The following SPATA12 variants were observed in gnomAD, a reference collection of about 807,000 sequenced individuals.
SPATA12 encodes spermatogenesis associated 12.
For synonymous variants in SPATA12, 85 were observed against 89.2 expected, an observed-to-expected ratio of 0.95 and a Z score of 0.26; for missense variants, 219 against 226.4, an observed-to-expected ratio of 0.97 and a Z score of 0.21.
chr3:57,061,353 A>G (rs767727528), intron 1 of SPATA12, among the ~76,000 whole-genome samples: 5 of 152,142 alleles, frequency 3.3e-5, no homozygotes, highest in Non-Finnish European at 7.3e-5. Flanking sequence ...GCAGGAGTAC[A>G]GTGGCACGAT....
intron 1 of SPATA12, among the ~76,000 whole-genome samples, chr3:57,070,982 AAAAAAG>A (rs1232701570): frequency 8.7e-5 from 13 of 149,794 alleles, no homozygotes; most frequent in African/African-American, 2.4e-4. Flanking sequence ...AAAAAAAAAA[AAAAAAG>A]AAAGAAAGAA....
rs1027055985 is a variant in SPATA12, at chr3:57,068,155, G to A, written c.-329-5211G>A. Among the ~76,000 whole-genome samples, 12 of 88,392 alleles carry A rather than the reference G, an allele frequency of 1.4e-4. No homozygotes were observed. In the East Asian group the frequency reaches 1.9e-3, roughly 14 times the overall value. The allele number at this position is 88,392 out of a possible 152,430, so 58.0% of individuals were successfully genotyped here. A position where few individuals can be genotyped will look rare whatever the true frequency, so the allele number is the denominator to read the frequency against. ...GTTTCACCAAATAATTCAGATATGC[G>A]CGCACACACACATACACACACACAC... On this transcript the variant is annotated intron_variant, in intron 1 of 1. Transcript: ENST00000334325.
chr3:57,073,403 T>G lies in SPATA12; in HGVS notation c.-292T>G. On this transcript the variant is annotated 5_prime_UTR_variant, in exon 2 of 2. Coordinates refer to ENST00000334325, the MANE Select transcript of SPATA12 (RefSeq NM_181727.2). The stretch of plus-strand genomic sequence containing the variant: ...GAAAGAGAGAGAAAGCCACTGGAGT[T>G]GGGCAGCGTGGGAAGCTGTGAAAGT... 2.9e-6 allele frequency: 1 copy of G among 343,636 alleles called. No homozygotes were observed. The highest frequency in any genetic ancestry group is 4.8e-5 in the East Asian group (1 of 20,746). 21.3% of individuals were successfully genotyped at this position (343,636 alleles called of 1,614,324 possible). A position where few individuals can be genotyped will look rare whatever the true frequency, so the allele number is the denominator to read the frequency against.
chr3:57,071,856 T>A (rs141629976), intron 1 of SPATA12, among the ~76,000 whole-genome samples: 5,997 of 151,966 alleles, frequency 0.039, 171 homozygotes, highest in Non-Finnish European at 0.058. Flanking sequence ...GGGCAAAAAA[T>A]ACTTTAAAAT....
In SPATA12 at chr3:57,074,358, A is replaced by C; in HGVS notation, c.*91A>C. The C allele has an allele frequency of 1.8e-6, 2 of 1,111,298 alleles. No individual in the cohort carries two copies. The highest frequency in any genetic ancestry group is 2.6e-6 in the Non-Finnish European group (2 of 757,662). 68.8% of individuals were successfully genotyped at this position (1,111,298 alleles called of 1,614,324 possible). A position where few individuals can be genotyped will look rare whatever the true frequency, so the allele number is the denominator to read the frequency against. On this transcript the variant is annotated 3_prime_UTR_variant, in exon 2 of 2. Transcript: ENST00000334325. ...GCCCTCCCTTCCATCCCCCACCCCC[A>C]CCAGGGGTGACTCGTAGCCATCCCT...
At position 57,067,169 on chromosome 3, in the gene SPATA12, C is replaced by T. The variant is rs1168014412; in HGVS notation, c.-329-6197C>T. Among the ~76,000 whole-genome samples the T allele has an allele frequency of 3.3e-5, 5 of 152,180 alleles. No homozygotes were observed. In the South Asian group the frequency reaches 8.3e-4, roughly 25 times the overall value. Reference sequence around the variant, plus strand: ...GCAACCCAGAAAGAATAACATTTGTCGGCCAGGCGCGGTGGCTCACGCCTG... The same window carrying T: ...GCAACCCAGAAAGAATAACATTTGTTGGCCAGGCGCGGTGGCTCACGCCTG... On this transcript the variant is annotated intron_variant, in intron 1 of 1. Coordinates refer to ENST00000334325, the MANE Select transcript of SPATA12 (RefSeq NM_181727.2).
At chr3:57,065,987 A>C (rs1705504501) in intron 1 of SPATA12, among the ~76,000 whole-genome samples, 1 of 152,160 alleles carries the variant, frequency 6.6e-6, no homozygotes, top group Non-Finnish European at 1.5e-5. Flanking sequence ...AGGCTGAGGC[A>C]GGAGGATCAC....
chr3:57,067,735 A>G (rs1705635369), intron 1 of SPATA12, among the ~76,000 whole-genome samples: 1 of 150,884 alleles, frequency 6.6e-6, no homozygotes, highest in African/African-American at 2.4e-5. Context: ...TAATCCCAGC[A>G]CTTTGAGAGG....
intron 1 of SPATA12, among the ~76,000 whole-genome samples, chr3:57,064,632 G>A (rs1184425022): frequency 6.6e-6 from 1 of 152,184 alleles, no homozygotes; most frequent in Non-Finnish European, 1.5e-5. Flanking sequence ...TCTGACACAT[G>A]TTACAACATG....
At chr3:57,068,695 C>T (rs1200813890) in intron 1 of SPATA12, among the ~76,000 whole-genome samples, 1 of 152,188 alleles carries the variant, frequency 6.6e-6, no homozygotes, top group South Asian at 2.1e-4. Flanking sequence ...ACAAGGTCAG[C>T]CAAGCTGTAC....
intron 1 of SPATA12, among the ~76,000 whole-genome samples, chr3:57,071,659 CAAA>C (rs34281617): frequency 6.4e-5 from 8 of 124,906 alleles, no homozygotes; most frequent in Admixed American, 1.6e-4. Flanking sequence ...AACTCCATCT[CAAA>C]AAAAAAAAAA....
At chr3:57,072,586 CA>C (rs1440580249) in intron 1 of SPATA12, among the ~76,000 whole-genome samples, 2 of 150,998 alleles carry the variant, frequency 1.3e-5, no homozygotes, top group African/African-American at 4.9e-5. Context: ...ACTAAAAATA[CA>C]AAAAATTAGC....
intron 1 of SPATA12, among the ~76,000 whole-genome samples, chr3:57,061,360 C>T (rs1009925137): frequency 6.6e-6 from 1 of 152,104 alleles, no homozygotes; most frequent in Non-Finnish European, 1.5e-5. Flanking sequence ...TACAGTGGCA[C>T]GATCATAACT....
chr3:57,069,004 C>T (rs1208278813), intron 1 of SPATA12, among the ~76,000 whole-genome samples: 1 of 151,836 alleles, frequency 6.6e-6, no homozygotes, highest in East Asian at 1.9e-4. Flanking sequence ...TCACCGTAAC[C>T]TCTGCCTCCC....
intron 1 of SPATA12, among the ~76,000 whole-genome samples, chr3:57,067,806 C>A (rs1705642780): frequency 6.8e-6 from 1 of 146,420 alleles, no homozygotes; most frequent in Non-Finnish European, 1.5e-5. Flanking sequence ...GGTGAAACCC[C>A]GTCTCTACTA....
intron 1 of SPATA12, among the ~76,000 whole-genome samples, chr3:57,067,334 A>G (rs929949516): frequency 6.6e-6 from 1 of 151,378 alleles, no homozygotes; most frequent in African/African-American, 2.4e-5. Context: ...GGGCGCCTGT[A>G]CTCCCAGTTA....
chr3:57,068,526 G>A (rs1378573575), intron 1 of SPATA12, among the ~76,000 whole-genome samples: 2 of 152,172 alleles, frequency 1.3e-5, no homozygotes, highest in Admixed American at 6.5e-5. Flanking sequence ...AAGGATTAGC[G>A]AGGCCCTGCC....
At chr3:57,065,444 G>A (rs558925466) in intron 1 of SPATA12, among the ~76,000 whole-genome samples, 65 of 151,960 alleles carry the variant, frequency 4.3e-4, no homozygotes, top group Middle Eastern at 3.4e-3. Context: ...CTGGGCAACA[G>A]AGCAGGACTC....
At chr3:57,063,602 G>A (rs1040537463) in intron 1 of SPATA12, among the ~76,000 whole-genome samples, 5 of 152,184 alleles carry the variant, frequency 3.3e-5, no homozygotes, top group Non-Finnish European at 7.4e-5. Context: ...GGAGGTTGGG[G>A]TGCTCCTTAA....
Sources: gnomAD v4.1 joint callset for allele counts (sites outside exome capture counted in the v4.1 genomes callset) on GRCh38, gnomAD v4.1.1 for gene constraint, MANE v1.5 for transcripts, NCBI Gene and HGNC (gene_info 2026-07-23, HGNC 2026-07-21) for gene names.